Variants in RNF180 observed in about 807,000 individuals in gnomAD.
RNF180 encodes the protein E3 ubiquitin-protein ligase RNF180.
In RNF180, 38 loss-of-function variants were observed where a neutral mutation model predicts 59.2. The ratio of observed to expected loss-of-function variants is 0.64; its 90% CI spans 0.50 to 0.84. The LOEUF (loss-of-function observed/expected upper bound fraction) is 0.84. Ranked by LOEUF, RNF180 falls within the 40% of genes least tolerant of loss-of-function variation. The pLI, the probability that RNF180 is intolerant of heterozygous loss-of-function variation, is 0.00. For synonymous variants in RNF180, 262 were observed against 240.3 expected, an observed-to-expected ratio of 1.09 and a Z score of -0.84; for missense variants, 705 against 700.9, an observed-to-expected ratio of 1.01 and a Z score of -0.07.
At chr5:64,366,459 AT>A (rs1746450315) in intron 7 of RNF180, among the ~76,000 whole-genome samples, 1 of 151,424 alleles carries the variant, frequency 6.6e-6, no homozygotes, top group Non-Finnish European at 1.5e-5. Flanking sequence ...CTTACTAAAT[AT>A]TTTGTATTCG....
At chr5:64,252,487 G>T (rs924229120) in intron 5 of RNF180, among the ~76,000 whole-genome samples, 1 of 152,102 alleles carries the variant, frequency 6.6e-6, no homozygotes, top group Non-Finnish European at 1.5e-5. Context: ...TAATTATCTA[G>T]ATTTAGTCAT....
chr5:64,202,591 G>T (rs958225796), intron 2 of RNF180, among the ~76,000 whole-genome samples: 1 of 151,886 alleles, frequency 6.6e-6, no homozygotes, highest in South Asian at 2.1e-4. Flanking sequence ...GTTCACTTTC[G>T]GTAGCAACAT....
chr5:64,173,614 T>TC (rs1194650511), intron 1 of RNF180, among the ~76,000 whole-genome samples: 1 of 151,854 alleles, frequency 6.6e-6, no homozygotes, highest in African/African-American at 2.4e-5. Flanking sequence ...CCAATCTCTC[T>TC]CCCTCCTCCT....
At chr5:64,268,761 G>A (rs778803232) in intron 5 of RNF180, among the ~76,000 whole-genome samples, 12 of 152,192 alleles carry the variant, frequency 7.9e-5, no homozygotes, top group East Asian at 1.9e-4. Context: ...GTCCATCACC[G>A]TGTCATATTT....
intron 5 of RNF180, among the ~76,000 whole-genome samples, chr5:64,305,823 G>C (rs747166116): frequency 1.3e-5 from 2 of 151,456 alleles, no homozygotes; most frequent in Non-Finnish European, 3.0e-5. Flanking sequence ...TAAGGATCTA[G>C]TTAAGAGATC....
intron 5 of RNF180, among the ~76,000 whole-genome samples, chr5:64,222,510 G>A (rs1409965556): frequency 6.6e-6 from 1 of 152,180 alleles, no homozygotes; most frequent in Non-Finnish European, 1.5e-5. Context: ...GAGTTACACA[G>A]AATGTGCTAA....
chr5:64,282,604 C>G (rs1023711589), intron 5 of RNF180, among the ~76,000 whole-genome samples: 7 of 152,048 alleles, frequency 4.6e-5, no homozygotes, highest in Non-Finnish European at 1.0e-4. Flanking sequence ...TGTTATTTCT[C>G]TAGTTCCTCT....
At chr5:64,355,632 CATA>C in intron 7 of RNF180, among the ~76,000 whole-genome samples, 1 of 151,936 alleles carries the variant, frequency 6.6e-6, no homozygotes, top group African/African-American at 2.4e-5. Context: ...GTACAGTGTT[CATA>C]ATATCAAAAC....
chr5:64,222,726 T>C (rs968550399), intron 5 of RNF180, among the ~76,000 whole-genome samples: 1 of 152,206 alleles, frequency 6.6e-6, no homozygotes, highest in Non-Finnish European at 1.5e-5. Flanking sequence ...GTCACTATTA[T>C]CAATTAGGAT....
At chr5:64,325,483 A>T in intron 6 of RNF180, 72 bp downstream of exon 6, 1 of 1,127,272 alleles carries the variant, frequency 8.9e-7, no homozygotes, top group Non-Finnish European at 1.3e-6. Flanking sequence ...TACTTTATAA[A>T]TTAAAAAGTT....
At chr5:64,362,760 G>T (rs1746306841) in intron 7 of RNF180, among the ~76,000 whole-genome samples, 1 of 151,184 alleles carries the variant, frequency 6.6e-6, no homozygotes, top group Admixed American at 6.6e-5. Context: ...TTTTATTTTT[G>T]TACTTTTCAA....
chr5:64,306,638 G>A (rs566320940), intron 5 of RNF180, among the ~76,000 whole-genome samples: 6 of 151,852 alleles, frequency 4.0e-5, no homozygotes, highest in African/African-American at 1.4e-4. Flanking sequence ...GGAATGCTAT[G>A]CAGCCATAAA....
At chr5:64,352,374 T>C (rs1745850914) in intron 7 of RNF180, among the ~76,000 whole-genome samples, 1 of 152,156 alleles carries the variant, frequency 6.6e-6, no homozygotes, top group South Asian at 2.1e-4. Context: ...CATTGATTTT[T>C]TGAAGGGTTT....
intron 5 of RNF180, among the ~76,000 whole-genome samples, chr5:64,241,465 G>C (rs1344736404): frequency 6.6e-6 from 1 of 152,134 alleles, no homozygotes; most frequent in Non-Finnish European, 1.5e-5. Flanking sequence ...CAGTCTTGCA[G>C]CCTACAAGTT....
chr5:64,248,968 G>A (rs80229018), intron 5 of RNF180, among the ~76,000 whole-genome samples: 1 of 152,032 alleles, frequency 6.6e-6, no homozygotes, highest in Non-Finnish European at 1.5e-5. Context: ...CGAGGATGAA[G>A]CTGGAAACTA....
Position 64,251,446 on chromosome 5 carries a change from T to G in RNF180, c.1227+34050T>G, listed in dbSNP as rs1326573952. 3.9e-5 allele frequency among the ~76,000 whole-genome samples: 6 copies of G among 152,312 alleles called. 1 individual carries two copies. Among genetic ancestry groups the G allele is most frequent in the African/African-American group, 9.6e-5 (4 of 41,578 alleles). Reference sequence around the variant, plus strand: ...TAGTTAGCTAGTTAATTAATTAATTTTTAGAGGTAGGGTCTCATTCTGTTA... The same window carrying G: ...TAGTTAGCTAGTTAATTAATTAATTGTTAGAGGTAGGGTCTCATTCTGTTA... On this transcript the variant is annotated intron_variant, in intron 5 of 7. Coordinates refer to ENST00000389100, the MANE Select transcript of RNF180 (RefSeq NM_001113561.2).
intron 5 of RNF180, among the ~76,000 whole-genome samples, chr5:64,315,696 A>G (rs1178994738): frequency 6.8e-6 from 1 of 147,162 alleles, no homozygotes; most frequent in Non-Finnish European, 1.5e-5. Flanking sequence ...AGATCGTGCC[A>G]TTGCACTCCA....
chr5:64,344,468 A>G (rs1745476484), intron 7 of RNF180, among the ~76,000 whole-genome samples: 1 of 152,228 alleles, frequency 6.6e-6, no homozygotes, highest in Non-Finnish European at 1.5e-5. Flanking sequence ...AACAAGAAAT[A>G]GAAATAAATC....
chr5:64,253,273 G>T (rs1196165382), intron 5 of RNF180, among the ~76,000 whole-genome samples: 1 of 152,084 alleles, frequency 6.6e-6, no homozygotes, highest in Non-Finnish European at 1.5e-5. Flanking sequence ...AAAAACTAAG[G>T]CATGTCAATG....
Sources: gnomAD v4.1 joint callset for allele counts (sites outside exome capture counted in the v4.1 genomes callset) on GRCh38, gnomAD v4.1.1 for gene constraint, MANE v1.5 for transcripts, NCBI Gene and HGNC (gene_info 2026-07-23, HGNC 2026-07-21) for gene names.